Variants in LDB2 observed in about 807,000 individuals in gnomAD.
LDB2 encodes LIM domain-binding protein 2.
LDB2 carries 12 observed loss-of-function variants against 44.3 expected under a neutral mutation model. The observed-to-expected ratio is 0.27, with a 90% confidence interval of 0.17 to 0.44. The LOEUF (loss-of-function observed/expected upper bound fraction) is 0.44. Ranked by LOEUF, LDB2 falls within the 20% of genes least tolerant of loss-of-function variation. The pLI is 1.00. For synonymous variants in LDB2, 164 were observed against 174.8 expected (o/e 0.94, Z 0.49); for missense variants, 344 against 473.5 (o/e 0.73, Z 2.54).
At chr4:16,873,146 G>A (rs547160939) in intron 1 of LDB2, among the ~76,000 whole-genome samples, 1 of 152,252 alleles carries the variant, frequency 6.6e-6, no homozygotes, top group African/African-American at 2.4e-5. Flanking sequence ...AGCCCAGGGT[G>A]CTATATTTAG....
intron 1 of LDB2, among the ~76,000 whole-genome samples, chr4:16,862,019 T>G: frequency 6.6e-6 from 1 of 152,128 alleles, no homozygotes; most frequent in East Asian, 1.9e-4. Flanking sequence ...GGAAGATGGG[T>G]GCAATGATTC....
At chr4:16,669,193 A>G (rs943150467) in intron 2 of LDB2, among the ~76,000 whole-genome samples, 1 of 152,244 alleles carries the variant, frequency 6.6e-6, no homozygotes, top group Non-Finnish European at 1.5e-5. Context: ...ACTGAAGGTC[A>G]GAATGATTAT....
intron 1 of LDB2, among the ~76,000 whole-genome samples, chr4:16,764,800 A>G (rs1426622417): frequency 2.0e-5 from 3 of 152,210 alleles, no homozygotes; most frequent in Admixed American, 1.3e-4. Flanking sequence ...GGACCTGGCA[A>G]TGTGGCCAAG....
intron 2 of LDB2, among the ~76,000 whole-genome samples, chr4:16,603,077 A>G (rs1381436437): frequency 6.6e-6 from 1 of 152,214 alleles, no homozygotes; most frequent in Non-Finnish European, 1.5e-5. Context: ...TGTCAGTGAT[A>G]CTATGGGCTA....
At chr4:16,891,135 G>T (rs1723230186) in intron 1 of LDB2, among the ~76,000 whole-genome samples, 1 of 150,334 alleles carries the variant, frequency 6.7e-6, no homozygotes, top group South Asian at 2.1e-4. Flanking sequence ...ATTCACTACT[G>T]TTTAAAACAA....
rs542154601 is a variant in LDB2, at chr4:16,865,934, C to T, written c.132+32420G>A. Among the ~76,000 whole-genome samples, 23 of 152,314 alleles carry T rather than the reference C, an allele frequency of 1.5e-4. No individual in the cohort carries two copies. In the South Asian group the frequency reaches 2.3e-3, roughly 15 times the overall value. ...AGGGTTCCTGCCTCAGCTTCCTGCA[C>T]GCCCCTGCTCCAGTGTTCCCCTGGA... is the stretch of plus-strand genomic sequence containing the variant. On this transcript the variant is annotated intron_variant, in intron 1 of 7. Transcript: ENST00000304523.
At chr4:16,775,514 A>C (rs1047822989) in intron 1 of LDB2, among the ~76,000 whole-genome samples, 1 of 152,214 alleles carries the variant, frequency 6.6e-6, no homozygotes, top group African/African-American at 2.4e-5. Context: ...GATAAATTAA[A>C]GTGCTTAGAA....
chr4:16,830,707 G>A (rs1561375790), intron 1 of LDB2, among the ~76,000 whole-genome samples: 1 of 152,188 alleles, frequency 6.6e-6, no homozygotes, highest in Non-Finnish European at 1.5e-5. Flanking sequence ...AGTGAATGGA[G>A]TAAGAACTCT....
At position 16,759,208 on chromosome 4, in the gene LDB2, T is replaced by G. The variant is rs200356327; in HGVS notation, c.185A>C (p.Asp62Ala). 1 of 1,614,122 alleles carries G rather than the reference T, an allele frequency of 6.2e-7. No homozygotes were observed. The highest frequency in any genetic ancestry group is 2.2e-5 in the East Asian group (1 of 44,878). Residue 62 changes from aspartate to alanine, a missense_variant, in exon 2 of 8, where the codon GAC becomes GCC. By Grantham distance (126) the Asp-to-Ala change is moderately radical. Coordinates refer to ENST00000304523, the MANE Select transcript of LDB2 (RefSeq NM_001290.5). ...ACAAAATGAAAGGGTTAATGTGGCGTCATCTTCAAAAAATTCAGTGGCAAA... is the reference window on the plus strand; with the variant it reads ...ACAAAATGAAAGGGTTAATGTGGCGGCATCTTCAAAAAATTCAGTGGCAAA... Reference protein sequence around the residue: ...DAFATEFFEDDATLTLSFCLE... With the variant: ...DAFATEFFEDAATLTLSFCLE...
intron 2 of LDB2, among the ~76,000 whole-genome samples, chr4:16,662,223 T>C (rs944908175): frequency 1.1e-4 from 17 of 152,200 alleles, no homozygotes; most frequent in Non-Finnish European, 2.1e-4. Flanking sequence ...CATCAGACCC[T>C]GGCCCTTGCT....
chr4:16,532,427 C>T (rs966459699), intron 5 of LDB2, among the ~76,000 whole-genome samples: 6 of 152,206 alleles, frequency 3.9e-5, no homozygotes, highest in South Asian at 2.1e-4. Flanking sequence ...GGCCTTTAAC[C>T]AATGAACTGT....
At chr4:16,824,731 C>T (rs1782737072) in intron 1 of LDB2, among the ~76,000 whole-genome samples, 1 of 152,246 alleles carries the variant, frequency 6.6e-6, no homozygotes, top group African/African-American at 2.4e-5. Flanking sequence ...CATCCAATTT[C>T]TGAAGAATTT....
intron 2 of LDB2, among the ~76,000 whole-genome samples, chr4:16,739,612 A>G (rs1314538384): frequency 3.2e-3 from 250 of 78,818 alleles, no homozygotes; most frequent in Admixed American, 5.1e-3. Context: ...ATATATATGT[A>G]TATATACATG....
Position 16,774,612 on chromosome 4 carries a change from C to A in LDB2, c.133-15352G>T, listed in dbSNP as rs1358150986. Among the ~76,000 whole-genome samples the A allele has an allele frequency of 2.0e-5, 3 of 152,074 alleles. No homozygotes were observed. The East Asian group carries it at 5.8e-4, about 29-fold the overall frequency. ...CACTATCAGAGAGGTGAATTATTAT[C>A]CTTATTTTACAGGTGAAGAAAACCA... On this transcript the variant is annotated intron_variant, in intron 1 of 7. Coordinates refer to ENST00000304523, the MANE Select transcript of LDB2 (RefSeq NM_001290.5).
intron 5 of LDB2, among the ~76,000 whole-genome samples, chr4:16,517,585 T>C (rs1724248707): frequency 6.6e-6 from 1 of 152,128 alleles, no homozygotes; most frequent in Admixed American, 6.6e-5. Context: ...GAGTGAAGAA[T>C]ACCATGAGGA....
intron 2 of LDB2, among the ~76,000 whole-genome samples, chr4:16,700,627 G>A (rs892017331): frequency 3.3e-5 from 5 of 152,116 alleles, no homozygotes; most frequent in East Asian, 1.9e-4. Flanking sequence ...GACAAGATAC[G>A]CTGGGCAGAA....
intron 2 of LDB2, among the ~76,000 whole-genome samples, chr4:16,757,371 G>C (rs1766885957): frequency 6.6e-6 from 1 of 152,138 alleles, no homozygotes; most frequent in South Asian, 2.1e-4. Flanking sequence ...GAAACAAAGA[G>C]GCCTGGGCAA....
intron 2 of LDB2, among the ~76,000 whole-genome samples, chr4:16,670,343 G>A (rs76556422): frequency 0.01 from 1,584 of 152,240 alleles, 18 homozygotes; most frequent in African/African-American, 0.036. Flanking sequence ...TTCTGAAGAC[G>A]TCTCTTTCCT....
intron 1 of LDB2, among the ~76,000 whole-genome samples, chr4:16,884,328 G>C (rs1054271077): frequency 5.9e-5 from 9 of 152,114 alleles, no homozygotes; most frequent in African/African-American, 2.2e-4. Context: ...AGAAAACCAA[G>C]GCACGGAGAA....
Sources: allele counts gnomAD v4.1 joint callset (sites outside exome capture counted in the v4.1 genomes callset), GRCh38; gene constraint gnomAD v4.1.1; transcripts MANE v1.5; gene names NCBI Gene and HGNC (gene_info 2026-07-23, HGNC 2026-07-21).